The following EPHB1 variants were observed in gnomAD, a reference collection of about 807,000 sequenced individuals.
The protein encoded by EPHB1 is ephrin type-B receptor 1.
Under a neutral mutation model 94.4 loss-of-function variants are expected in EPHB1, and 30 were observed. That is an observed-to-expected ratio of 0.32 (90% CI 0.24 to 0.43). The LOEUF is 0.43. Among genes scored for constraint, EPHB1 ranks in the 20% least tolerant of loss-of-function variants. EPHB1 has a pLI of 1.00. For synonymous variants in EPHB1, 522 were observed against 489.1 expected (o/e 1.07, Z -0.89); for missense variants, 1,055 against 1,308.3 (o/e 0.81, Z 2.99).
intron 3 of EPHB1, among the ~76,000 whole-genome samples, chr3:134,960,517 T>C (rs1167060725): frequency 6.6e-6 from 1 of 152,142 alleles, no homozygotes; most frequent in South Asian, 2.1e-4. Flanking sequence ...AGAGTATGGC[T>C]GGGTATGTTT....
At chr3:134,849,131 G>C (rs1269475815) in intron 1 of EPHB1, among the ~76,000 whole-genome samples, 1 of 152,210 alleles carries the variant, frequency 6.6e-6, no homozygotes, top group African/African-American at 2.4e-5. Flanking sequence ...CACACACACT[G>C]GTCATGGAGT....
intron 12 of EPHB1, among the ~76,000 whole-genome samples, chr3:135,236,502 T>G (rs921837117): frequency 6.6e-6 from 1 of 152,196 alleles, no homozygotes; most frequent in African/African-American, 2.4e-5. Flanking sequence ...ATTCAATAAT[T>G]TATTGTTTAA....
intron 1 of EPHB1, among the ~76,000 whole-genome samples, chr3:134,855,204 A>G (rs1332027071): frequency 6.6e-6 from 1 of 152,242 alleles, no homozygotes; most frequent in African/African-American, 2.4e-5. Context: ...CTAAAATAGA[A>G]TGGGTTATAA....
chr3:134,932,364 C>T (rs2038922796), intron 2 of EPHB1, among the ~76,000 whole-genome samples: 1 of 152,180 alleles, frequency 6.6e-6, no homozygotes, highest in South Asian at 2.1e-4. Context: ...CCACCAGCTG[C>T]CCACCTCAAG....
intron 1 of EPHB1, among the ~76,000 whole-genome samples, chr3:134,850,496 A>G (rs962497140): frequency 6.6e-6 from 1 of 152,204 alleles, no homozygotes; most frequent in African/African-American, 2.4e-5. Flanking sequence ...CCTGAGGGAA[A>G]TGGGGCTTCA....
chr3:134,963,587 C>T (rs1404544113), intron 3 of EPHB1, among the ~76,000 whole-genome samples: 1 of 152,236 alleles, frequency 6.6e-6, no homozygotes, highest in East Asian at 1.9e-4. Flanking sequence ...CTCTTAAATC[C>T]TCACAGAGCT....
chr3:135,235,616 T>C (rs8180025), intron 12 of EPHB1, among the ~76,000 whole-genome samples: 107,389 of 152,096 alleles, frequency 0.71, 39,715 homozygotes, highest in Middle Eastern at 0.87. Context: ...AGCAAACAAA[T>C]AAACTTTCCC....
At chr3:135,113,301 C>T (rs369331656) in intron 4 of EPHB1, among the ~76,000 whole-genome samples, 9 of 152,368 alleles carry the variant, frequency 5.9e-5, no homozygotes, top group Admixed American at 4.6e-4. Flanking sequence ...TGCTTTCACA[C>T]TTCTGTAATC....
At chr3:135,067,396 T>C (rs1285581490) in intron 3 of EPHB1, 1 of 152,088 alleles carries the variant, frequency 6.6e-6, no homozygotes, top group Non-Finnish European at 1.5e-5. Flanking sequence ...GGGGTGAGAT[T>C]TTCAGGTTAA....
intron 1 of EPHB1, among the ~76,000 whole-genome samples, chr3:134,888,378 T>G (rs1415423282): frequency 1.3e-5 from 2 of 152,338 alleles, no homozygotes; most frequent in East Asian, 3.9e-4. Context: ...TTTTGTGATC[T>G]GATGTGGCCT....
At chr3:134,943,381 C>CT (rs1491054596) in intron 2 of EPHB1, among the ~76,000 whole-genome samples, 4 of 119,572 alleles carry the variant, frequency 3.3e-5, no homozygotes, top group Non-Finnish European at 7.8e-5. Context: ...CTTGCCCTGT[C>CT]TGTTGTCACT....
chr3:135,257,314 T>G (rs1933442872), intron 15 of EPHB1, among the ~76,000 whole-genome samples: 1 of 152,204 alleles, frequency 6.6e-6, no homozygotes, highest in Admixed American at 6.5e-5. Flanking sequence ...AGTTTCCACC[T>G]TTTCTGTTCT....
At chr3:135,040,096 G>A (rs1287042604) in intron 3 of EPHB1, among the ~76,000 whole-genome samples, 1 of 152,172 alleles carries the variant, frequency 6.6e-6, no homozygotes, top group Non-Finnish European at 1.5e-5. Flanking sequence ...CAAAATCTTT[G>A]TAGATAACAA....
chr3:135,165,883 G>T, intron 7 of EPHB1, 85 bp from the exon 8 acceptor site: 2 of 930,658 alleles, frequency 2.1e-6, no homozygotes, highest in East Asian at 2.4e-5. Flanking sequence ...TGTATATTTA[G>T]ATCATGTTTT....
intron 3 of EPHB1, among the ~76,000 whole-genome samples, chr3:135,010,036 G>A (rs1306336072): frequency 6.6e-6 from 1 of 152,056 alleles, no homozygotes; most frequent in East Asian, 1.9e-4. Flanking sequence ...CTAATTAGGT[G>A]AATTCAAACA....
chr3:134,962,838 C>T (rs539298311), intron 3 of EPHB1, among the ~76,000 whole-genome samples: 52 of 152,138 alleles, frequency 3.4e-4, no homozygotes, highest in African/African-American at 1.1e-3. Context: ...ACCAGACCTG[C>T]CACCCCTTCC....
chr3:135,121,310 C>A (rs1939952936), intron 4 of EPHB1, among the ~76,000 whole-genome samples: 1 of 152,242 alleles, frequency 6.6e-6, no homozygotes, highest in Non-Finnish European at 1.5e-5. Context: ...TCCACACTTG[C>A]ATCTGCATGG....
intron 1 of EPHB1, among the ~76,000 whole-genome samples, chr3:134,915,880 G>A (rs2038558436): frequency 6.6e-6 from 1 of 152,214 alleles, no homozygotes; most frequent in Non-Finnish European, 1.5e-5. Flanking sequence ...GAGCGAAAGA[G>A]CAAAGCTTCC....
chr3:134,898,762 G>A (rs2038139412), intron 1 of EPHB1, among the ~76,000 whole-genome samples: 1 of 152,148 alleles, frequency 6.6e-6, no homozygotes, highest in African/African-American at 2.4e-5. Flanking sequence ...GGAGTTCCAG[G>A]GATCCTCAGG....
Sources: gnomAD v4.1 joint callset for allele counts (sites outside exome capture counted in the v4.1 genomes callset) on GRCh38, gnomAD v4.1.1 for gene constraint, MANE v1.5 for transcripts, NCBI Gene and HGNC (gene_info 2026-07-23, HGNC 2026-07-21) for gene names.